GRID2: variants seen among roughly 807,000 people sequenced by gnomAD.
The protein encoded by GRID2 is glutamate ionotropic receptor delta type subunit 2, also known as glutamate receptor ionotropic, delta-2.
Under a neutral mutation model 114.8 loss-of-function variants are expected in GRID2, and 33 were observed. That is an observed-to-expected ratio of 0.29 (90% confidence interval 0.22 to 0.38). GRID2 has a LOEUF of 0.38. GRID2 is among the 10% of genes least tolerant of loss of function. The probability of loss-of-function intolerance (pLI) is 1.00; values close to 1 mark genes in which losing one functional copy is unlikely to be tolerated. For synonymous variants in GRID2, 505 were observed against 449.9 expected, an observed-to-expected ratio of 1.12 and a Z score of -1.55; for missense variants, 1,184 against 1,257.7, an observed-to-expected ratio of 0.94 and a Z score of 0.89.
Position 93,550,185 on chromosome 4 carries a change from G to A in GRID2, c.2193+34774G>A, listed in dbSNP as rs113355879. 1.2e-3 allele frequency among the ~76,000 whole-genome samples: 182 copies of A among 152,122 alleles called. 1 individual carries two copies. Among genetic ancestry groups the A allele is most frequent in the African/African-American group, 4.3e-3 (177 of 41,520 alleles). Reference sequence around the variant, plus strand: ...TGGCTCTGAACTCCTGGGCTTAAGCGATCCTCCTGCCTCAGCCTCCCAAGT... The same window carrying A: ...TGGCTCTGAACTCCTGGGCTTAAGCAATCCTCCTGCCTCAGCCTCCCAAGT... On this transcript the variant is annotated intron_variant, in intron 13 of 15. Coordinates refer to ENST00000282020, the MANE Select transcript of GRID2 (RefSeq NM_001510.4).
chr4:92,768,502 T>A (rs191603020), intron 2 of GRID2, among the ~76,000 whole-genome samples: 10 of 152,306 alleles, frequency 6.6e-5, no homozygotes, highest in Admixed American at 3.3e-4. Flanking sequence ...AAAGACTTTT[T>A]CAATCTAGCA....
At chr4:92,534,299 G>T (rs370614237) in intron 1 of GRID2, among the ~76,000 whole-genome samples, 47 of 152,084 alleles carry the variant, frequency 3.1e-4, no homozygotes, top group African/African-American at 1.1e-3. Context: ...TTGCAAAAGT[G>T]ACTGGATGAT....
chr4:92,634,470 T>C (rs529065531), intron 2 of GRID2, among the ~76,000 whole-genome samples: 14 of 152,240 alleles, frequency 9.2e-5, no homozygotes, highest in Admixed American at 2.0e-4. Context: ...AATCTGTGTT[T>C]TATTCACGTA....
intron 4 of GRID2, among the ~76,000 whole-genome samples, chr4:93,117,523 T>C (rs1249430549): frequency 6.6e-6 from 1 of 152,178 alleles, no homozygotes; most frequent in Non-Finnish European, 1.5e-5. Flanking sequence ...CATGATCATA[T>C]ATTTGCATAG....
At chr4:93,102,927 T>C (rs1471332896) in intron 3 of GRID2, among the ~76,000 whole-genome samples, 1 of 151,808 alleles carries the variant, frequency 6.6e-6, no homozygotes, top group Non-Finnish European at 1.5e-5. Flanking sequence ...CTGCAAATGA[T>C]TTATAAAGGC....
intron 1 of GRID2, among the ~76,000 whole-genome samples, chr4:92,399,657 C>CTG (rs1347612117): frequency 1.4e-5 from 2 of 139,352 alleles, no homozygotes; most frequent in East Asian, 4.0e-4. Context: ...CTCTCTCTCT[C>CTG]TCTCTCTCTA....
At chr4:93,788,912 A>T (rs1734643203) in intron 1 of GRID2, among the ~76,000 whole-genome samples, 1 of 152,220 alleles carries the variant, frequency 6.6e-6, no homozygotes, top group Non-Finnish European at 1.5e-5. Flanking sequence ...GGCTCTGCAT[A>T]GAAACAGTCC....
intron 4 of GRID2, among the ~76,000 whole-genome samples, chr4:93,115,830 C>A (rs1017700143): frequency 6.6e-6 from 1 of 152,086 alleles, no homozygotes; most frequent in Non-Finnish European, 1.5e-5. Flanking sequence ...GGAAACTGCT[C>A]CCATGATTCA....
intron 2 of GRID2, among the ~76,000 whole-genome samples, chr4:92,755,850 A>C (rs976312567): frequency 6.6e-6 from 1 of 152,266 alleles, no homozygotes; most frequent in East Asian, 1.9e-4. Flanking sequence ...TGATACATAA[A>C]ATTTGTTCAT....
chr4:92,324,715 A>G (rs1030275055), intron 1 of GRID2, among the ~76,000 whole-genome samples: 19 of 151,946 alleles, frequency 1.3e-4, no homozygotes, highest in Admixed American at 1.3e-3. Context: ...TGCAAATAAC[A>G]TCTCTATGAT....
chr4:93,521,990 T>C (rs1175726869), intron 13 of GRID2, among the ~76,000 whole-genome samples: 1 of 152,166 alleles, frequency 6.6e-6, no homozygotes, highest in Non-Finnish European at 1.5e-5. Context: ...ACATATACAG[T>C]ATCTGTATAT....
rs1454794717 is a variant in GRID2, at chr4:92,600,042, GTGTATATATATATATATATATA to G, written c.244+9758_244+9779del. ...TTCATGTATGTGTGTGTGTGTGTGT[GTGTATATATATATATATATATA>G]TATATATATATATATATATATATAT... is the stretch of plus-strand genomic sequence containing the variant. On this transcript the variant is annotated intron_variant, in intron 2 of 15. Transcript: ENST00000282020. Among the ~76,000 whole-genome samples the G allele has an allele frequency of 4.2e-3, 294 of 70,372 alleles. 3 individuals carry two copies. The Middle Eastern group carries it at 0.045, about 11-fold the overall frequency. 46.2% of individuals were successfully genotyped at this position (70,372 alleles called of 152,430 possible).
chr4:92,469,967 A>G (rs1247440614), intron 1 of GRID2, among the ~76,000 whole-genome samples: 1 of 151,996 alleles, frequency 6.6e-6, no homozygotes, highest in Non-Finnish European at 1.5e-5. Flanking sequence ...TAAGGAGGTA[A>G]TGATTTCTTG....
At chr4:92,425,821 C>T (rs1322058176) in intron 1 of GRID2, among the ~76,000 whole-genome samples, 5 of 152,008 alleles carry the variant, frequency 3.3e-5, no homozygotes, top group Non-Finnish European at 1.5e-5. Context: ...TGAAAAATGC[C>T]AACTAACTTA....
intron 3 of GRID2, among the ~76,000 whole-genome samples, chr4:93,099,599 C>T (rs1198535790): frequency 6.6e-6 from 1 of 151,430 alleles, no homozygotes; most frequent in African/African-American, 2.4e-5. Context: ...CCCATATGCA[C>T]AAAAACAAAG....
chr4:92,397,627 A>G (rs1362608210), intron 1 of GRID2, among the ~76,000 whole-genome samples: 4 of 152,150 alleles, frequency 2.6e-5, no homozygotes, highest in African/African-American at 9.7e-5. Flanking sequence ...CTGTTGCAGC[A>G]TAGAAGTGGC....
intron 8 of GRID2, among the ~76,000 whole-genome samples, chr4:93,267,305 G>T (rs576408462): frequency 6.6e-6 from 1 of 151,974 alleles, no homozygotes; most frequent in African/African-American, 2.4e-5. Context: ...ACGCTGGGCT[G>T]GGCTGGGAAA....
intron 13 of GRID2, among the ~76,000 whole-genome samples, chr4:93,602,459 C>G (rs1739775353): frequency 6.6e-6 from 1 of 152,156 alleles, no homozygotes; most frequent in South Asian, 2.1e-4. Context: ...GCCATTTTTC[C>G]CAACAGTGTC....
chr4:93,502,440 A>G (rs1035748254), intron 12 of GRID2, among the ~76,000 whole-genome samples: 2 of 152,078 alleles, frequency 1.3e-5, no homozygotes, highest in African/African-American at 4.8e-5. Context: ...GAAAACCTGA[A>G]TAACAGATAT....
Sources: gnomAD v4.1 joint callset for allele counts (sites outside exome capture counted in the v4.1 genomes callset) on GRCh38, gnomAD v4.1.1 for gene constraint, MANE v1.5 for transcripts, NCBI Gene and HGNC (gene_info 2026-07-23, HGNC 2026-07-21) for gene names.